Variants in SASH1 observed in about 807,000 individuals in gnomAD.
The protein encoded by SASH1 is SAM and SH3 domain containing 1.
A neutral mutation model predicts 125.2 loss-of-function variants in SASH1; 44 were observed. The ratio of observed to expected loss-of-function variants is 0.35; its 90% CI spans 0.28 to 0.45. The LOEUF (loss-of-function observed/expected upper bound fraction) is 0.45. Among genes scored for constraint, SASH1 ranks in the 20% least tolerant of loss-of-function variants. SASH1 has a pLI of 1.00. For synonymous variants in SASH1, 639 were observed against 649.1 expected (o/e 0.98, Z 0.24); for missense variants, 1,426 against 1,614.5 (o/e 0.88, Z 2.00).
At chr6:148,452,895 A>G (rs147693188) in intron 4 of SASH1, among the ~76,000 whole-genome samples, 23 of 152,386 alleles carry the variant, frequency 1.5e-4, no homozygotes, top group African/African-American at 5.0e-4. Context: ...CTAGGAAACA[A>G]CAGCTATTTT....
chr6:148,250,124 G>A, the SASH1 span, among the ~76,000 whole-genome samples: 1 of 152,178 alleles, frequency 6.6e-6, no homozygotes, highest in African/African-American at 2.4e-5. Flanking sequence ...GTCACTTACA[G>A]TCTCTGCCCT....
At chr6:148,377,208 A>AC (rs1270012902) in intron 1 of SASH1, among the ~76,000 whole-genome samples, 101 of 74,240 alleles carry the variant, frequency 1.4e-3, no homozygotes, top group African/African-American at 5.0e-3. Flanking sequence ...AAAAAAAACA[A>AC]AACAAACAAA....
chr6:148,404,483 C>T (rs754183849), intron 2 of SASH1, among the ~76,000 whole-genome samples: 8 of 151,936 alleles, frequency 5.3e-5, no homozygotes, highest in Non-Finnish European at 8.8e-5. Context: ...ACATAAAAAC[C>T]GGTACAATAG....
chr6:148,290,555 A>G (rs1338941339), intron 1 of SASH1, among the ~76,000 whole-genome samples: 3 of 152,104 alleles, frequency 2.0e-5, no homozygotes, highest in Admixed American at 6.5e-5. Context: ...GCAGTGAGCC[A>G]AGATCGTGCC....
the SASH1 span, among the ~76,000 whole-genome samples, chr6:148,220,554 A>G: frequency 6.6e-6 from 1 of 152,324 alleles, no homozygotes; most frequent in African/African-American, 2.4e-5. Context: ...TTGAACTAGT[A>G]GTTGTGGGAA....
chr6:148,361,106 G>A lies in SASH1; in HGVS notation c.156+17883G>A, dbSNP rs141540875. Among the ~76,000 whole-genome samples, 96 of 152,282 alleles carry A rather than the reference G, an allele frequency of 6.3e-4. No homozygotes were observed. The East Asian group carries it at 0.014, about 23-fold the overall frequency. On this transcript the variant is annotated intron_variant, in intron 1 of 19. Coordinates refer to ENST00000367467, the MANE Select transcript of SASH1 (RefSeq NM_015278.5). ...ATGCACCTGCAGGCTAAGGAATGCCGAAGATCGCTGGCAGCCCCCAGCAGC... is the reference window on the plus strand; with the variant it reads ...ATGCACCTGCAGGCTAAGGAATGCCAAAGATCGCTGGCAGCCCCCAGCAGC...
chr6:148,233,502 G>A, the SASH1 span, among the ~76,000 whole-genome samples: 9,272 of 151,972 alleles, frequency 0.061, 299 homozygotes, highest in Middle Eastern at 0.11. Flanking sequence ...GCCAATCATT[G>A]GTGATACAGG....
At chr6:148,487,470 G>A (rs953699040) in intron 7 of SASH1, 144 bp from the exon 8 acceptor site, 12 of 609,000 alleles carry the variant, frequency 2.0e-5, no homozygotes, top group Admixed American at 1.2e-4. Flanking sequence ...CATGAAGAAG[G>A]TACCCAAAGT....
intron 7 of SASH1, among the ~76,000 whole-genome samples, chr6:148,475,355 A>T (rs1235183519): frequency 2.0e-5 from 3 of 152,180 alleles, no homozygotes; most frequent in African/African-American, 4.8e-5. Context: ...AGGCTGGGAA[A>T]TCTAATGTCA....
intron 2 of SASH1, among the ~76,000 whole-genome samples, chr6:148,411,895 G>A (rs1205710336): frequency 2.6e-5 from 4 of 152,148 alleles, no homozygotes; most frequent in African/African-American, 9.7e-5. Flanking sequence ...ATTCTCAGTT[G>A]TTTGAAAATT....
At chr6:148,487,541 C>A in intron 7 of SASH1, 73 bp from the exon 8 acceptor site, 3 of 1,065,776 alleles carry the variant, frequency 2.8e-6, no homozygotes, top group East Asian at 2.5e-5. Context: ...TTATTTGAGT[C>A]ATTTCCCTGT....
the SASH1 span, among the ~76,000 whole-genome samples, chr6:148,246,853 A>G: frequency 6.6e-6 from 1 of 152,230 alleles, no homozygotes; most frequent in Non-Finnish European, 1.5e-5. Flanking sequence ...AGAATATCAC[A>G]CACTTTTTGT....
intron 2 of SASH1, among the ~76,000 whole-genome samples, chr6:148,405,808 G>T (rs1212387131): frequency 2.0e-5 from 3 of 152,184 alleles, no homozygotes; most frequent in African/African-American, 4.8e-5. Context: ...TATGCCTGGT[G>T]GATAAGTTCT....
chr6:148,446,704 T>C (rs1338453888), intron 4 of SASH1, among the ~76,000 whole-genome samples: 7 of 152,204 alleles, frequency 4.6e-5, no homozygotes, highest in African/African-American at 1.4e-4. Flanking sequence ...GTGATGCTTA[T>C]TGAGTTCTTA....
chr6:148,242,754 G>A, the SASH1 span, among the ~76,000 whole-genome samples: 6 of 152,202 alleles, frequency 3.9e-5, no homozygotes, highest in Non-Finnish European at 8.8e-5. Flanking sequence ...GGGCCTCAGG[G>A]TCCCTTATGC....
intron 17 of SASH1, among the ~76,000 whole-genome samples, chr6:148,542,260 G>A (rs1782264787): frequency 6.6e-6 from 1 of 152,032 alleles, no homozygotes; most frequent in African/African-American, 2.4e-5. Flanking sequence ...GGGAGTTAAG[G>A]GAAAAGAAAG....
Position 148,449,078 on chromosome 6 carries a change from C to CTTTTTTTTTTTTTTTTTTTTT in SASH1, c.386+8686_386+8687insTTTTTTTTTTTTTTTTTTTTT. ...GAGACTGGCTAATTTCATTTCATTT[C>CTTTTTTTTTTTTTTTTTTTTT]TTTTTTTTTTTTTTTGGAGACAGAG... On this transcript the variant is annotated intron_variant, in intron 4 of 19. Coordinates refer to ENST00000367467, the MANE Select transcript of SASH1 (RefSeq NM_015278.5). 7.8e-4 allele frequency among the ~76,000 whole-genome samples: 69 copies of CTTTTTTTTTTTTTTTTTTTTT among 88,676 alleles called. 4 individuals are homozygous for CTTTTTTTTTTTTTTTTTTTTT. Among genetic ancestry groups the CTTTTTTTTTTTTTTTTTTTTT allele is most frequent in the African/African-American group, 1.0e-3 (24 of 23,196 alleles). 58.2% of individuals were successfully genotyped at this position (88,676 alleles called of 152,430 possible).
intron 4 of SASH1, among the ~76,000 whole-genome samples, chr6:148,448,079 C>G (rs1776885955): frequency 6.6e-6 from 1 of 151,590 alleles, no homozygotes; most frequent in African/African-American, 2.4e-5. Flanking sequence ...GGCCTCTACA[C>G]CCCCTGGACT....
chr6:148,471,076 G>T (rs1054044784), intron 5 of SASH1, among the ~76,000 whole-genome samples: 2 of 151,854 alleles, frequency 1.3e-5, no homozygotes, highest in African/African-American at 4.8e-5. Flanking sequence ...AGACCAAAGG[G>T]GGGAAATATA....
Sources: gnomAD v4.1 joint callset for allele counts (sites outside exome capture counted in the v4.1 genomes callset) on GRCh38, gnomAD v4.1.1 for gene constraint, MANE v1.5 for transcripts, NCBI Gene and HGNC (gene_info 2026-07-23, HGNC 2026-07-21) for gene names.